ARHGAP10: variants seen among roughly 807,000 people sequenced by gnomAD.
ARHGAP10 encodes the protein rho GTPase-activating protein 10.
ARHGAP10 carries 87 observed loss-of-function variants against 108.6 expected under a neutral mutation model. The ratio of observed to expected loss-of-function variants is 0.80; its 90% CI spans 0.67 to 0.96. The LOEUF is 0.96. Ranked by LOEUF, ARHGAP10 falls within the 40% of genes least tolerant of loss-of-function variation. The pLI, the probability that ARHGAP10 is intolerant of heterozygous loss-of-function variation, is 0.00. For missense variants in ARHGAP10, 939 were observed against 954.5 expected (o/e 0.98, Z 0.21); for synonymous variants, 347 against 341.1 (o/e 1.02, Z -0.19).
chr4:147,845,867 C>G (rs1293545266), intron 3 of ARHGAP10, among the ~76,000 whole-genome samples: 4 of 152,074 alleles, frequency 2.6e-5, no homozygotes, highest in African/African-American at 9.7e-5. Flanking sequence ...GTGGGACATT[C>G]CATATTATTT....
In ARHGAP10 at chr4:147,756,908, A is replaced by G. The variant is rs568708305; in HGVS notation, c.154+24453A>G. Among the ~76,000 whole-genome samples, 581 of 151,016 alleles carry G rather than the reference A, an allele frequency of 3.8e-3. 4 individuals carry two copies. Among genetic ancestry groups the G allele is most frequent in the African/African-American group, 0.013 (542 of 41,084 alleles). The stretch of plus-strand genomic sequence containing the variant: ...GTTTTTTTTTTTTTCATCAGATTAT[A>G]AGAAGAGGGAAGGGCATTCATGAAT... On this transcript the variant is annotated intron_variant, in intron 1 of 22. Transcript: ENST00000336498.
chr4:147,886,763 G>GTTTTCT (rs1196177927), intron 10 of ARHGAP10, among the ~76,000 whole-genome samples: 2 of 152,044 alleles, frequency 1.3e-5, no homozygotes, highest in African/African-American at 4.8e-5. Context: ...ATCATACTGT[G>GTTTTCT]TTTTCTTTTT....
intron 18 of ARHGAP10, among the ~76,000 whole-genome samples, chr4:148,013,674 C>G (rs991181881): frequency 1.3e-5 from 2 of 151,888 alleles, no homozygotes; most frequent in Admixed American, 1.3e-4. Context: ...GGTGACAGAG[C>G]GAGACTCCAT....
intron 13 of ARHGAP10, among the ~76,000 whole-genome samples, chr4:147,919,855 C>T (rs967000380): frequency 6.6e-6 from 1 of 151,496 alleles, no homozygotes; most frequent in Non-Finnish European, 1.5e-5. Context: ...GCTGGGATTA[C>T]AGGCATGAGC....
chr4:148,001,383 T>A (rs548009086), intron 18 of ARHGAP10, among the ~76,000 whole-genome samples: 2 of 152,198 alleles, frequency 1.3e-5, no homozygotes, highest in East Asian at 3.8e-4. Flanking sequence ...CTTAGGATTG[T>A]CTTGGCAATG....
chr4:147,826,771 A>G (rs923876621), intron 3 of ARHGAP10, among the ~76,000 whole-genome samples: 1 of 152,312 alleles, frequency 6.6e-6, no homozygotes. Context: ...CAAAAAGCAG[A>G]CACTTAAAAA....
chr4:147,747,878 G>A (rs1009669108), intron 1 of ARHGAP10, among the ~76,000 whole-genome samples: 20 of 152,150 alleles, frequency 1.3e-4, no homozygotes, highest in Non-Finnish European at 2.4e-4. Flanking sequence ...AGAGAATACT[G>A]ACTCTTTTTC....
intron 6 of ARHGAP10, chr4:147,865,795 C>G (rs1327770212): frequency 6.6e-6 from 1 of 152,166 alleles, no homozygotes; most frequent in Non-Finnish European, 1.5e-5. Flanking sequence ...AGTCATTAAC[C>G]TAAACCATTA....
At chr4:147,759,050 A>C (rs954168187) in intron 1 of ARHGAP10, among the ~76,000 whole-genome samples, 2 of 152,066 alleles carry the variant, frequency 1.3e-5, no homozygotes, top group African/African-American at 4.8e-5. Flanking sequence ...CTTCAATGCA[A>C]GGTTCATGGA....
chr4:147,818,491 G>A (rs1466494733), intron 1 of ARHGAP10, among the ~76,000 whole-genome samples: 1 of 151,476 alleles, frequency 6.6e-6, no homozygotes, highest in African/African-American at 2.4e-5. Flanking sequence ...GCTTGAATCC[G>A]GGAGGCGGAG....
intron 19 of ARHGAP10, among the ~76,000 whole-genome samples, chr4:148,032,336 C>T (rs1397600353): frequency 1.8e-5 from 1 of 54,650 alleles, no homozygotes; most frequent in Non-Finnish European, 3.8e-5. Context: ...GTCCCCCCCC[C>T]CCCCCCCCCC....
At chr4:148,063,402 C>T (rs1729714828) in intron 21 of ARHGAP10, 102 bp downstream of exon 21, 5 of 1,446,790 alleles carry the variant, frequency 3.5e-6, no homozygotes, top group Non-Finnish European at 4.7e-6. Context: ...AAAGCTTGCC[C>T]AGATACCCCC....
chr4:148,070,642 T>A (rs1189396013), intron 22 of ARHGAP10, among the ~76,000 whole-genome samples: 2 of 152,234 alleles, frequency 1.3e-5, no homozygotes, highest in African/African-American at 4.8e-5. Flanking sequence ...AGGAAGGCAT[T>A]GCATGCGCGC....
intron 19 of ARHGAP10, among the ~76,000 whole-genome samples, chr4:148,039,474 A>G (rs1025652613): frequency 5.4e-5 from 6 of 111,438 alleles, no homozygotes; most frequent in African/African-American, 1.1e-4. Flanking sequence ...TTTTCTTTGT[A>G]TTTTTAGTAA....
At chr4:148,011,924 C>A (rs954396504) in intron 18 of ARHGAP10, among the ~76,000 whole-genome samples, 33 of 152,186 alleles carry the variant, frequency 2.2e-4, no homozygotes, top group Admixed American at 1.3e-4. Flanking sequence ...ATGTGCTAAT[C>A]CCCCAGTAAC....
chr4:147,799,269 A>G (rs1731479677), intron 1 of ARHGAP10, among the ~76,000 whole-genome samples: 1 of 151,966 alleles, frequency 6.6e-6, no homozygotes. Flanking sequence ...CAAACTCCTG[A>G]CCTCAAGTGA....
In ARHGAP10 at chr4:147,853,727, CTTGA is replaced by C. The variant is rs1372091662; in HGVS notation, c.385-3823_385-3820del. ...TCCCCCCTTTGCTGTGTGCCCTTTG[CTTGA>C]TTATTATGATTTTTTTTTTATATTG... On this transcript the variant is annotated intron_variant, in intron 4 of 22. Coordinates refer to ENST00000336498, the MANE Select transcript of ARHGAP10 (RefSeq NM_024605.4). 6.9e-5 allele frequency among the ~76,000 whole-genome samples: 10 copies of C among 144,040 alleles called. No homozygotes were observed. In the South Asian group the frequency reaches 8.4e-4, roughly 12 times the overall value. The allele number at this position is 144,040 out of a possible 152,430, so 94.5% of individuals were successfully genotyped here. A position where few individuals can be genotyped will look rare whatever the true frequency, so the allele number is the denominator to read the frequency against.
intron 14 of ARHGAP10, 35 bp downstream of exon 14, chr4:147,939,934 A>G (rs1738108664): frequency 1.3e-6 from 2 of 1,549,016 alleles, no homozygotes; most frequent in Non-Finnish European, 1.8e-6. Flanking sequence ...TCCATGTGTT[A>G]TTTGTGTATG....
intron 1 of ARHGAP10, among the ~76,000 whole-genome samples, chr4:147,805,124 TTAATTCATCTTG>T (rs1263785439): frequency 6.6e-6 from 1 of 152,234 alleles, no homozygotes; most frequent in Non-Finnish European, 1.5e-5. Flanking sequence ...ATTGAAGTCT[TTAATTCATCTTG>T]AGTTAATTTT....
Sources: allele counts gnomAD v4.1 joint callset (sites outside exome capture counted in the v4.1 genomes callset), GRCh38; gene constraint gnomAD v4.1.1; transcripts MANE v1.5; gene names NCBI Gene and HGNC (gene_info 2026-07-23, HGNC 2026-07-21).